GRM8: variants seen among roughly 807,000 people sequenced by gnomAD.
The protein encoded by GRM8 is metabotropic glutamate receptor 8.
Under a neutral mutation model 87.2 loss-of-function variants are expected in GRM8, and 47 were observed. That is an observed-to-expected ratio of 0.54 (90% CI 0.43 to 0.69). The LOEUF (loss-of-function observed/expected upper bound fraction) is 0.69, where lower values mean the gene tolerates loss of function less well. Among genes scored for constraint, GRM8 ranks in the 30% least tolerant of loss-of-function variants. The pLI is 0.00. For missense variants in GRM8, 1,019 were observed against 1,139.2 expected, an observed-to-expected ratio of 0.89 and a Z score of 1.52; for synonymous variants, 396 against 404.5, an observed-to-expected ratio of 0.98 and a Z score of 0.25.
At chr7:127,242,662 C>T (rs1372180885) in intron 2 of GRM8, 33 bp downstream of exon 2, 1 of 1,582,922 alleles carries the variant, frequency 6.3e-7, no homozygotes, top group African/African-American at 1.4e-5. Flanking sequence ...ATTGTTCTTT[C>T]ACAATGGTCA....
chr7:126,951,875 T>C (rs559797701), intron 3 of GRM8, among the ~76,000 whole-genome samples: 14 of 151,994 alleles, frequency 9.2e-5, no homozygotes, highest in African/African-American at 2.2e-4. Context: ...TAAAGAAATA[T>C]AGAGGTGTGT....
intron 7 of GRM8, among the ~76,000 whole-genome samples, chr7:126,747,032 AT>A (rs1213247040): frequency 6.6e-6 from 1 of 151,780 alleles, no homozygotes. Flanking sequence ...ATTGAAATAT[AT>A]TTTTTTCATG....
At chr7:126,897,321 G>C (rs1369207707) in intron 6 of GRM8, among the ~76,000 whole-genome samples, 2 of 152,136 alleles carry the variant, frequency 1.3e-5, no homozygotes, top group Non-Finnish European at 2.9e-5. Flanking sequence ...TCTGAAGAAA[G>C]ACTCTACTGC....
chr7:126,613,699 G>C (rs755038568), intron 7 of GRM8, among the ~76,000 whole-genome samples: 2 of 152,226 alleles, frequency 1.3e-5, no homozygotes, highest in Non-Finnish European at 2.9e-5. Flanking sequence ...CTTTTCCAAC[G>C]GTCTTAGCAA....
chr7:126,686,199 C>A (rs913040808), intron 7 of GRM8, among the ~76,000 whole-genome samples: 1 of 152,030 alleles, frequency 6.6e-6, no homozygotes, highest in African/African-American at 2.4e-5. Context: ...GAGGAGCTGC[C>A]CACTGAGAGT....
At chr7:127,022,472 C>A (rs1816371664) in intron 3 of GRM8, among the ~76,000 whole-genome samples, 1 of 151,918 alleles carries the variant, frequency 6.6e-6, no homozygotes, top group Non-Finnish European at 1.5e-5. Flanking sequence ...ACAGACCACT[C>A]ATGCACCCAA....
chr7:126,893,540 G>A (rs1409233254), intron 6 of GRM8, among the ~76,000 whole-genome samples: 2 of 151,956 alleles, frequency 1.3e-5, no homozygotes, highest in Admixed American at 1.3e-4. Flanking sequence ...TCACTGTAAT[G>A]AAGAACAGGA....
At chr7:126,952,985 G>C (rs958421370) in intron 3 of GRM8, among the ~76,000 whole-genome samples, 6 of 151,900 alleles carry the variant, frequency 3.9e-5, no homozygotes, top group Non-Finnish European at 8.8e-5. Context: ...TTAATTTCTG[G>C]GTTCTGATAA....
chr7:127,149,356 A>T (rs1379186424), intron 2 of GRM8, among the ~76,000 whole-genome samples: 2 of 152,060 alleles, frequency 1.3e-5, no homozygotes, highest in African/African-American at 4.8e-5. Context: ...AATCAAAACC[A>T]CCATGATATA....
chr7:126,987,445 GT>G (rs11395818), intron 3 of GRM8, among the ~76,000 whole-genome samples: 6 of 148,596 alleles, frequency 4.0e-5, no homozygotes, highest in East Asian at 2.0e-4. Context: ...CTTGTTCACA[GT>G]TTTTTTTTTT....
intron 7 of GRM8, among the ~76,000 whole-genome samples, chr7:126,640,413 T>G (rs1682679137): frequency 6.6e-6 from 1 of 152,198 alleles, no homozygotes; most frequent in South Asian, 2.1e-4. Context: ...TAGTTTATTT[T>G]CTAGAATTAT....
At chr7:126,799,652 A>G (rs1231192615) in intron 6 of GRM8, among the ~76,000 whole-genome samples, 1 of 152,136 alleles carries the variant, frequency 6.6e-6, no homozygotes, top group African/African-American at 2.4e-5. Context: ...GGACTGTAGA[A>G]AGCAGATTCC....
At chr7:126,560,949 T>C (rs76386871) in intron 8 of GRM8, among the ~76,000 whole-genome samples, 3,392 of 152,296 alleles carry the variant, frequency 0.022, 115 homozygotes, top group African/African-American at 0.078. Context: ...TAATTTGAAC[T>C]TATTGTAAAC....
intron 3 of GRM8, among the ~76,000 whole-genome samples, chr7:127,057,120 T>C (rs189867675): frequency 4.6e-5 from 7 of 152,344 alleles, no homozygotes; most frequent in Admixed American, 4.6e-4. Context: ...GTGAGAAACA[T>C]ACAGCTTTAT....
intron 8 of GRM8, among the ~76,000 whole-genome samples, chr7:126,601,052 G>A (rs35695914): frequency 7.3e-5 from 11 of 151,322 alleles, no homozygotes; most frequent in African/African-American, 2.7e-4. Flanking sequence ...TCTAGCATTA[G>A]GTATATCTCC....
At chr7:127,155,257 C>T (rs565897065) in intron 2 of GRM8, among the ~76,000 whole-genome samples, 2 of 152,168 alleles carry the variant, frequency 1.3e-5, no homozygotes, top group Admixed American at 6.5e-5. Flanking sequence ...GCTGGAGCAC[C>T]GAGCAAGATA....
chr7:126,691,465 C>A (rs1808800096), intron 7 of GRM8, among the ~76,000 whole-genome samples: 1 of 152,108 alleles, frequency 6.6e-6, no homozygotes, highest in African/African-American at 2.4e-5. Flanking sequence ...TGCAGTGGTG[C>A]CTGGGGGAGT....
intron 3 of GRM8, among the ~76,000 whole-genome samples, chr7:127,018,741 A>C (rs1246116243): frequency 6.6e-6 from 1 of 151,862 alleles, no homozygotes; most frequent in Admixed American, 6.6e-5. Context: ...TTTCTGCTTG[A>C]CACCTGATTT....
intron 6 of GRM8, among the ~76,000 whole-genome samples, chr7:126,899,133 G>GTGTGTGTGTGTGTT (rs1465164757): frequency 1.7e-4 from 26 of 151,678 alleles, no homozygotes; most frequent in Non-Finnish European, 3.7e-4. Context: ...GTGTGTGTGT[G>GTGTGTGTGTGTGTT]TATGAGTCCA....
Sources: gnomAD v4.1 joint callset for allele counts (sites outside exome capture counted in the v4.1 genomes callset) on GRCh38, gnomAD v4.1.1 for gene constraint, MANE v1.5 for transcripts, NCBI Gene and HGNC (gene_info 2026-07-23, HGNC 2026-07-21) for gene names.